Variants in EBF1 observed in about 807,000 individuals in gnomAD.
EBF1 encodes the protein EBF transcription factor 1.
A neutral mutation model predicts 68.4 loss-of-function variants in EBF1; 10 were observed. That is an observed-to-expected ratio of 0.15 (90% CI 0.09 to 0.25). EBF1 has a LOEUF of 0.25. Ranked by LOEUF, EBF1 falls within the 10% of genes least tolerant of loss-of-function variation. EBF1 has a pLI of 1.00. For missense variants in EBF1, 509 were observed against 794.4 expected (o/e 0.64, Z 4.32); for synonymous variants, 298 against 299.8 (o/e 0.99, Z 0.06).
At chr5:158,746,765 G>T (rs888470674) in intron 10 of EBF1, among the ~76,000 whole-genome samples, 2 of 152,152 alleles carry the variant, frequency 1.3e-5, no homozygotes, top group Non-Finnish European at 1.5e-5. Flanking sequence ...AATTCACTTT[G>T]CCTGAGACCA....
chr5:158,914,433 CA>C (rs1806697138), intron 6 of EBF1, among the ~76,000 whole-genome samples: 2 of 152,056 alleles, frequency 1.3e-5, no homozygotes, highest in Admixed American at 6.6e-5. Flanking sequence ...GGGGGGTAAC[CA>C]GTTGATGTTA....
intron 9 of EBF1, among the ~76,000 whole-genome samples, chr5:158,782,708 T>C (rs1010975022): frequency 6.6e-6 from 1 of 152,084 alleles, no homozygotes; most frequent in African/African-American, 2.4e-5. Flanking sequence ...AAGTAGTTAA[T>C]GACTTACATA....
At chr5:158,721,854 G>T (rs192997243) in intron 11 of EBF1, among the ~76,000 whole-genome samples, 1 of 151,442 alleles carries the variant, frequency 6.6e-6, no homozygotes, top group East Asian at 1.9e-4. Flanking sequence ...AGTATAAATT[G>T]TGAAACCAGG....
intron 7 of EBF1, among the ~76,000 whole-genome samples, chr5:158,827,760 G>C (rs1398062436): frequency 1.3e-5 from 2 of 152,196 alleles, no homozygotes; most frequent in Non-Finnish European, 2.9e-5. Context: ...AAAAGTAGCA[G>C]TTTGTGGGGA....
chr5:158,775,828 ACT>A (rs1266125859), intron 10 of EBF1, among the ~76,000 whole-genome samples: 12 of 138,340 alleles, frequency 8.7e-5, no homozygotes, highest in South Asian at 2.3e-4. Context: ...ACACACACAC[ACT>A]GCTATGTGGA....
intron 6 of EBF1, among the ~76,000 whole-genome samples, chr5:158,905,006 T>C (rs1266311018): frequency 2.0e-5 from 3 of 152,232 alleles, no homozygotes; most frequent in Admixed American, 6.5e-5. Context: ...TGAATTCTCA[T>C]ATTATTCACA....
intron 8 of EBF1, among the ~76,000 whole-genome samples, chr5:158,817,715 C>T (rs551304991): frequency 2.0e-5 from 3 of 152,318 alleles, no homozygotes; most frequent in Non-Finnish European, 2.9e-5. Flanking sequence ...TCATTACTCT[C>T]CTCTGCTTTT....
intron 6 of EBF1, among the ~76,000 whole-genome samples, chr5:159,043,351 T>G (rs1771641106): frequency 6.6e-6 from 1 of 152,218 alleles, no homozygotes; most frequent in African/African-American, 2.4e-5. Flanking sequence ...TTCTTCTCCC[T>G]GGCATATCAT....
intron 6 of EBF1, among the ~76,000 whole-genome samples, chr5:158,930,091 A>G (rs1049704014): frequency 6.6e-6 from 1 of 152,242 alleles, no homozygotes; most frequent in African/African-American, 2.4e-5. Flanking sequence ...CCCTCGTAAT[A>G]GATAAAATTC....
At chr5:159,039,030 C>T (rs1770659795) in intron 6 of EBF1, among the ~76,000 whole-genome samples, 1 of 152,136 alleles carries the variant, frequency 6.6e-6, no homozygotes, top group African/African-American at 2.4e-5. Flanking sequence ...AATTTAACAG[C>T]CAAAAGAGTC....
Position 158,731,167 on chromosome 5 carries a change from A to C in EBF1, c.1037-10T>G, listed in dbSNP as rs1295015476. 1 of 1,613,070 alleles carries C rather than the reference A, an allele frequency of 6.2e-7. No homozygotes were observed. The highest frequency in any genetic ancestry group is 8.5e-7 in the Non-Finnish European group (1 of 1,179,316). On this transcript the variant is annotated splice_polypyrimidine_tract_variant and intron_variant, in intron 10 of 15. Coordinates refer to ENST00000313708, the MANE Select transcript of EBF1 (RefSeq NM_024007.5). ...GTGGGTTCGTTGAGCGCTGCAATAA[A>C]GAAGTCACACAATTAGTACATTTTC...
At chr5:158,795,230 G>C (rs1260030249) in intron 9 of EBF1, among the ~76,000 whole-genome samples, 3 of 152,296 alleles carry the variant, frequency 2.0e-5, no homozygotes, top group African/African-American at 7.2e-5. Flanking sequence ...CTAAACCAGT[G>C]TCACGGGAGC....
intron 9 of EBF1, among the ~76,000 whole-genome samples, chr5:158,778,270 T>C (rs1171648185): frequency 1.3e-5 from 2 of 152,164 alleles, no homozygotes; most frequent in African/African-American, 4.8e-5. Context: ...GTATTACTCT[T>C]ATCTTTGTTT....
chr5:158,830,591 C>G (rs1162907686), intron 7 of EBF1, among the ~76,000 whole-genome samples: 1 of 151,954 alleles, frequency 6.6e-6, no homozygotes, highest in Non-Finnish European at 1.5e-5. Flanking sequence ...AGTACACAGT[C>G]CTGGCTTACA....
intron 8 of EBF1, among the ~76,000 whole-genome samples, chr5:158,812,339 C>A (rs1045565086): frequency 6.6e-6 from 1 of 152,162 alleles, no homozygotes; most frequent in Non-Finnish European, 1.5e-5. Flanking sequence ...CCACAATGGG[C>A]TTCTTAGGTT....
At chr5:159,056,210 T>C (rs1339088125) in intron 6 of EBF1, among the ~76,000 whole-genome samples, 1 of 152,188 alleles carries the variant, frequency 6.6e-6, no homozygotes, top group Non-Finnish European at 1.5e-5. Context: ...TTAAAATTAA[T>C]TTTAGTGGAT....
intron 4 of EBF1, among the ~76,000 whole-genome samples, chr5:159,087,446 A>G (rs1435924014): frequency 6.7e-5 from 10 of 150,224 alleles, no homozygotes; most frequent in Non-Finnish European, 1.3e-4. Context: ...ATATACATAT[A>G]TATATACACA....
intron 6 of EBF1, among the ~76,000 whole-genome samples, chr5:159,003,177 C>A (rs1445031800): frequency 6.6e-6 from 1 of 152,144 alleles, no homozygotes; most frequent in South Asian, 2.1e-4. Flanking sequence ...TCTTTGCTAA[C>A]TCTGTTAGTC....
chr5:159,001,367 G>A (rs1055429760), intron 6 of EBF1, among the ~76,000 whole-genome samples: 4 of 152,100 alleles, frequency 2.6e-5, no homozygotes, highest in Admixed American at 1.3e-4. Flanking sequence ...TTTTAAAAGT[G>A]TAAAGGAGTC....
Sources: gnomAD v4.1 joint callset for allele counts (sites outside exome capture counted in the v4.1 genomes callset) on GRCh38, gnomAD v4.1.1 for gene constraint, MANE v1.5 for transcripts, NCBI Gene and HGNC (gene_info 2026-07-23, HGNC 2026-07-21) for gene names.